HELZ: variants seen among roughly 807,000 people sequenced by gnomAD.
The protein encoded by HELZ is ATP-dependent RNA helicase with zinc finger domain.
In HELZ, 23 loss-of-function variants were observed where a neutral mutation model predicts 218.2. The observed-to-expected ratio is 0.11, with a 90% CI of 0.08 to 0.15. The LOEUF is 0.15. HELZ is among the 10% of genes least tolerant of loss of function. The pLI is 1.00. For missense variants in HELZ, 1,813 were observed against 2,353.7 expected (o/e 0.77, Z 4.75); for synonymous variants, 814 against 829.4 (o/e 0.98, Z 0.32).
intron 17 of HELZ, 95 bp from the exon 18 acceptor site, chr17:67,151,319 T>TTACC: frequency 3.9e-6 from 4 of 1,020,236 alleles, no homozygotes; most frequent in Non-Finnish European, 4.4e-6. Context: ...AAGATGGTAA[T>TTACC]ATCTGAAAAG....
chr17:67,161,130 C>T (rs571271157), intron 15 of HELZ, 54 bp from the exon 16 acceptor site: 1 of 1,327,866 alleles, frequency 7.5e-7, no homozygotes, highest in African/African-American at 1.5e-5. Context: ...ATAAATAGAA[C>T]ATAACACACG....
intron 13 of HELZ, among the ~76,000 whole-genome samples, chr17:67,173,573 G>T (rs1298776743): frequency 6.6e-6 from 1 of 152,090 alleles, no homozygotes; most frequent in Non-Finnish European, 1.5e-5. Flanking sequence ...CCTATATAGG[G>T]TTTTCATTTC....
chr17:67,182,359 C>A (rs779950924), intron 12 of HELZ, among the ~76,000 whole-genome samples: 17 of 152,074 alleles, frequency 1.1e-4, no homozygotes, highest in Admixed American at 4.6e-4. Context: ...GCAGGAGAAT[C>A]GCTTGAACCC....
At chr17:67,228,384 C>A (rs760178196) in intron 3 of HELZ, among the ~76,000 whole-genome samples, 4 of 152,132 alleles carry the variant, frequency 2.6e-5, no homozygotes, top group African/African-American at 9.7e-5. Context: ...TGTGGAAATT[C>A]GGTTACTAAC....
intron 17 of HELZ, among the ~76,000 whole-genome samples, chr17:67,155,320 G>A (rs1379840542): frequency 6.6e-6 from 1 of 152,180 alleles, no homozygotes; most frequent in East Asian, 1.9e-4. Flanking sequence ...AAATCCAGAA[G>A]GGGAGTTTCC....
chr17:67,126,125 TG>T (rs1268137272), intron 24 of HELZ, among the ~76,000 whole-genome samples: 1 of 152,214 alleles, frequency 6.6e-6, no homozygotes, highest in Non-Finnish European at 1.5e-5. Context: ...ATCTTGATGC[TG>T]GCCTTGAGAA....
rs181048134 is a variant in HELZ at position 67,116,982 on chromosome 17, G to A, written c.3839-2579C>T. Among the ~76,000 whole-genome samples the A allele has an allele frequency of 6.1e-3, 919 of 151,858 alleles. 5 individuals carry two copies. The highest frequency in any genetic ancestry group is 0.014 in the Middle Eastern group (4 of 292). On this transcript the variant is annotated intron_variant, in intron 27 of 32. Coordinates refer to ENST00000358691, the MANE Select transcript of HELZ (RefSeq NM_014877.4). ...AGCAATTCTTCTGCCTCAGCCTCCC[G>A]AGTAGCTGGGATTACAGGCGTGCAC...
chr17:67,236,875 A>C (rs2041198410), intron 3 of HELZ, among the ~76,000 whole-genome samples: 1 of 152,112 alleles, frequency 6.6e-6, no homozygotes, highest in East Asian at 1.9e-4. Flanking sequence ...CCTCCCTTCT[A>C]CTGCTCACTT....
chr17:67,202,171 CTG>C (rs1388745155), intron 6 of HELZ, among the ~76,000 whole-genome samples: 1 of 151,926 alleles, frequency 6.6e-6, no homozygotes, highest in Non-Finnish European at 1.5e-5. Context: ...CTTGCTTTCA[CTG>C]TGTTTCATTA....
chr17:67,210,847 A>G (rs947148973), intron 5 of HELZ, among the ~76,000 whole-genome samples: 1 of 152,210 alleles, frequency 6.6e-6, no homozygotes, highest in Non-Finnish European at 1.5e-5. Flanking sequence ...GCTTGAACCC[A>G]GGAGGCAGAG....
In HELZ at chr17:67,087,166, T is replaced by TATA. The variant is rs2036420155; in HGVS notation, c.5242-88_5242-86dup. On this transcript the variant is annotated intron_variant, in intron 31 of 32. Transcript: ENST00000358691. ...TTTTCACTCCATAGCAATATCTCACTATATAAAGTAAAAATTGTCAAGAAT... is the reference window on the plus strand; with the variant it reads ...TTTTCACTCCATAGCAATATCTCACTATAATATAAAGTAAAAATTGTCAAGAAT... 4.8e-6 allele frequency: 6 copies of TATA among 1,239,414 alleles called. No homozygotes were observed. The Admixed American group carries it at 8.0e-5, about 16-fold the overall frequency. The allele number at this position is 1,239,414 out of a possible 1,614,324, so 76.8% of individuals were successfully genotyped here.
intron 21 of HELZ, among the ~76,000 whole-genome samples, chr17:67,144,558 G>C (rs546331384): frequency 2.0e-5 from 3 of 151,126 alleles, no homozygotes; most frequent in Admixed American, 1.3e-4. Context: ...ATAGCTTATA[G>C]GTTTCCTGGG....
chr17:67,118,211 G>C (rs988940084), intron 27 of HELZ, among the ~76,000 whole-genome samples: 12 of 152,156 alleles, frequency 7.9e-5, no homozygotes, highest in Non-Finnish European at 1.8e-4. Context: ...CCACATATAG[G>C]ATCAACTGAT....
intron 31 of HELZ, among the ~76,000 whole-genome samples, chr17:67,102,734 T>TA (rs1031963555): frequency 2.6e-5 from 4 of 152,160 alleles, no homozygotes; most frequent in South Asian, 4.1e-4. Flanking sequence ...TGCAATGTGC[T>TA]AAAAAAATAT....
intron 12 of HELZ, among the ~76,000 whole-genome samples, chr17:67,187,627 T>C (rs964948664): frequency 2.6e-5 from 4 of 152,194 alleles, no homozygotes; most frequent in Non-Finnish European, 5.9e-5. Flanking sequence ...TTAAATAGAA[T>C]AGAACACCTA....
intron 24 of HELZ, among the ~76,000 whole-genome samples, chr17:67,124,434 A>G (rs1024516605): frequency 3.3e-5 from 5 of 152,220 alleles, no homozygotes; most frequent in Non-Finnish European, 7.4e-5. Context: ...GAGAACCTTT[A>G]ACGGAATAAA....
chr17:67,232,052 CAA>C (rs754429326), intron 3 of HELZ, among the ~76,000 whole-genome samples: 65 of 42,468 alleles, frequency 1.5e-3, no homozygotes, highest in East Asian at 5.2e-3. Flanking sequence ...GACTCCATCT[CAA>C]AAAAAAAAAA....
intron 16 of HELZ, among the ~76,000 whole-genome samples, chr17:67,160,600 A>C (rs2038966868): frequency 6.6e-6 from 1 of 152,212 alleles, no homozygotes; most frequent in South Asian, 2.1e-4. Context: ...CATATATTTA[A>C]ACCCAAGTCT....
intron 22 of HELZ, 75 bp downstream of exon 22, chr17:67,137,856 G>A (rs1450892835): frequency 3.7e-6 from 4 of 1,073,814 alleles, no homozygotes; most frequent in Non-Finnish European, 5.2e-6. Flanking sequence ...GAGATCTTGA[G>A]TACTAAAAAT....
Sources: allele counts gnomAD v4.1 joint callset (sites outside exome capture counted in the v4.1 genomes callset), GRCh38; gene constraint gnomAD v4.1.1; transcripts MANE v1.5; gene names NCBI Gene and HGNC (gene_info 2026-07-23, HGNC 2026-07-21).